EPHA6: variants seen among roughly 807,000 people sequenced by gnomAD.
EPHA6 encodes EPH receptor A6, also known as ephrin type-A receptor 6.
A neutral mutation model predicts 112.0 loss-of-function variants in EPHA6; 50 were observed. That is an observed-to-expected ratio of 0.45 (90% CI 0.36 to 0.56). The LOEUF (loss-of-function observed/expected upper bound fraction) is 0.56. Ranked by LOEUF, EPHA6 falls within the 20% of genes least tolerant of loss-of-function variation. EPHA6 has a pLI of 0.00. For synonymous variants in EPHA6, 529 were observed against 490.7 expected (o/e 1.08, Z -1.03); for missense variants, 1,280 against 1,417.4 (o/e 0.90, Z 1.56).
At chr3:97,481,435 C>T in intron 9 of EPHA6, 1 of 1,396,552 alleles carries the variant, frequency 7.2e-7, no homozygotes, top group Non-Finnish European at 1.0e-6. Context: ...CAAAATAATA[C>T]AGGCTTTCCT....
intron 2 of EPHA6, among the ~76,000 whole-genome samples, chr3:96,944,622 G>T (rs1338327699): frequency 6.6e-6 from 1 of 152,164 alleles, no homozygotes; most frequent in Non-Finnish European, 1.5e-5. Context: ...ACTTTGGGTG[G>T]CCAAGGCGGG....
intron 6 of EPHA6, among the ~76,000 whole-genome samples, chr3:97,436,708 C>T (rs1470130276): frequency 6.6e-6 from 1 of 152,064 alleles, no homozygotes; most frequent in Admixed American, 6.5e-5. Context: ...GAAAATTTAC[C>T]TTTCTTAGCT....
chr3:96,840,402 A>T (rs950990986), intron 1 of EPHA6, among the ~76,000 whole-genome samples: 1 of 152,108 alleles, frequency 6.6e-6, no homozygotes, highest in African/African-American at 2.4e-5. Context: ...GAGAGATTTC[A>T]CACAGGTGCC....
At chr3:97,459,120 T>G (rs1394644338) in intron 7 of EPHA6, among the ~76,000 whole-genome samples, 1 of 152,134 alleles carries the variant, frequency 6.6e-6, no homozygotes, top group South Asian at 2.1e-4. Flanking sequence ...AGGGACCAGA[T>G]GAGGGAATTG....
chr3:97,268,427 T>C (rs558441313), intron 5 of EPHA6, among the ~76,000 whole-genome samples: 1 of 152,312 alleles, frequency 6.6e-6, no homozygotes, highest in African/African-American at 2.4e-5. Flanking sequence ...AGTTTGTTAA[T>C]TTAACTATTT....
chr3:97,687,631 G>A (rs75827442), intron 14 of EPHA6, among the ~76,000 whole-genome samples: 2,976 of 152,200 alleles, frequency 0.02, 98 homozygotes, highest in African/African-American at 0.069. Context: ...TTTTCCAACA[G>A]ATGCTATATA....
chr3:97,729,872 C>T (rs2034957808), intron 15 of EPHA6, among the ~76,000 whole-genome samples: 1 of 151,938 alleles, frequency 6.6e-6, no homozygotes, highest in African/African-American at 2.4e-5. Flanking sequence ...GCTTTGCAAT[C>T]CCCCTTCTAC....
intron 3 of EPHA6, among the ~76,000 whole-genome samples, chr3:97,079,118 C>T (rs566345671): frequency 9.4e-4 from 143 of 151,934 alleles, no homozygotes; most frequent in Non-Finnish European, 1.7e-3. Flanking sequence ...ACCTAAATGC[C>T]CATCAATGTT....
intron 3 of EPHA6, among the ~76,000 whole-genome samples, chr3:97,135,930 A>G (rs2075757868): frequency 6.6e-6 from 1 of 152,044 alleles, no homozygotes; most frequent in African/African-American, 2.4e-5. Flanking sequence ...GGTAAGAATA[A>G]AATGGTGTTG....
intron 2 of EPHA6, among the ~76,000 whole-genome samples, chr3:96,881,052 G>A (rs1249762832): frequency 6.6e-6 from 1 of 151,980 alleles, no homozygotes; most frequent in Non-Finnish European, 1.5e-5. Flanking sequence ...GGAATTTCTG[G>A]GTCATATCCC....
intron 10 of EPHA6, among the ~76,000 whole-genome samples, chr3:97,519,789 T>C (rs1379130093): frequency 6.6e-6 from 1 of 152,070 alleles, no homozygotes; most frequent in African/African-American, 2.4e-5. Flanking sequence ...TAGTTTATTA[T>C]TGGTGTGTAG....
chr3:97,248,139 A>G (rs142322584), intron 5 of EPHA6, among the ~76,000 whole-genome samples: 115 of 152,178 alleles, frequency 7.6e-4, no homozygotes, highest in African/African-American at 2.6e-3. Flanking sequence ...TGTAGTTAGG[A>G]GAAACATTCC....
chr3:97,145,765 A>T (rs961314814), intron 3 of EPHA6, among the ~76,000 whole-genome samples: 23 of 151,844 alleles, frequency 1.5e-4, no homozygotes, highest in African/African-American at 5.3e-4. Context: ...GCTAAAATAA[A>T]TAGAGAAAAA....
chr3:97,607,411 G>C (rs1426629445), intron 12 of EPHA6, among the ~76,000 whole-genome samples: 1 of 150,968 alleles, frequency 6.6e-6, no homozygotes, highest in Non-Finnish European at 1.5e-5. Context: ...CTTAATGTAA[G>C]AAAATAATTT....
intron 15 of EPHA6, among the ~76,000 whole-genome samples, chr3:97,729,291 C>A (rs2034926114): frequency 6.6e-6 from 1 of 151,854 alleles, no homozygotes; most frequent in Non-Finnish European, 1.5e-5. Flanking sequence ...TATATTAGTC[C>A]ATTTTCACAC....
chr3:97,686,147 T>A (rs2032233582), intron 14 of EPHA6, among the ~76,000 whole-genome samples: 1 of 152,146 alleles, frequency 6.6e-6, no homozygotes, highest in Non-Finnish European at 1.5e-5. Flanking sequence ...ATATAACTAT[T>A]CATTTGTGAT....
chr3:97,713,757 A>C (rs1182557369), intron 14 of EPHA6, among the ~76,000 whole-genome samples: 1 of 152,210 alleles, frequency 6.6e-6, no homozygotes. Flanking sequence ...ATAGAAACAC[A>C]CAGGAAAAGC....
Position 97,051,726 on chromosome 3 carries a change from G to A in EPHA6, c.1114+63733G>A, listed in dbSNP as rs548249228. Among the ~76,000 whole-genome samples, 33 of 152,144 alleles carry A rather than the reference G, an allele frequency of 2.2e-4. No homozygotes were observed. The South Asian group carries it at 4.2e-3, about 19-fold the overall frequency. On this transcript the variant is annotated intron_variant, in intron 3 of 17. Transcript: ENST00000389672. ...GTTAATTCTGTGGTTCTCAATCTTGGCTTCACACAGGAATTAGTTGGAAGG... is the reference window on the plus strand; with the variant it reads ...GTTAATTCTGTGGTTCTCAATCTTGACTTCACACAGGAATTAGTTGGAAGG...
intron 15 of EPHA6, among the ~76,000 whole-genome samples, chr3:97,724,381 T>A (rs2034662502): frequency 6.6e-6 from 1 of 152,124 alleles, no homozygotes; most frequent in Admixed American, 6.5e-5. Flanking sequence ...CAAAATATAA[T>A]AGCAGGTACC....
Sources: gnomAD v4.1 joint callset for allele counts (sites outside exome capture counted in the v4.1 genomes callset) on GRCh38, gnomAD v4.1.1 for gene constraint, MANE v1.5 for transcripts, NCBI Gene and HGNC (gene_info 2026-07-23, HGNC 2026-07-21) for gene names.